The following TLE3 variants were observed in gnomAD, a reference collection of about 807,000 sequenced individuals.
TLE3 encodes the protein transducin-like enhancer protein 3.
TLE3 carries 14 observed loss-of-function variants against 93.0 expected under a neutral mutation model. That is an observed-to-expected ratio of 0.15 (90% CI 0.10 to 0.24). The LOEUF (loss-of-function observed/expected upper bound fraction) is 0.24. Among genes scored for constraint, TLE3 ranks in the 10% least tolerant of loss-of-function variants. The pLI is 1.00. For synonymous variants in TLE3, 451 were observed against 425.0 expected (o/e 1.06, Z -0.75); for missense variants, 693 against 1,046.6 (o/e 0.66, Z 4.66).
intron 4 of TLE3, among the ~76,000 whole-genome samples, chr15:70,077,941 G>A (rs141250462): frequency 1.8e-4 from 27 of 152,308 alleles, no homozygotes; most frequent in African/African-American, 6.3e-4. Context: ...CACATGTGTG[G>A]GGCACTCTAG....
chr15:70,081,601 G>A (rs569108282), intron 4 of TLE3, among the ~76,000 whole-genome samples: 16 of 152,366 alleles, frequency 1.1e-4, no homozygotes, highest in African/African-American at 3.8e-4. Context: ...CCAGGCCAGG[G>A]TTCTCCAAGT....
chr15:70,074,746 T>C (rs933165148), intron 5 of TLE3, 139 bp from the exon 6 acceptor site: 12 of 565,878 alleles, frequency 2.1e-5, no homozygotes, highest in African/African-American at 1.9e-4. Context: ...AGGGCACAAG[T>C]AGGGGGGAGG....
intron 6 of TLE3, among the ~76,000 whole-genome samples, chr15:70,073,324 T>A (rs2057279913): frequency 6.6e-6 from 1 of 152,124 alleles, no homozygotes; most frequent in African/African-American, 2.4e-5. Flanking sequence ...GAACCATGAC[T>A]AAAACACAGA....
intron 4 of TLE3, among the ~76,000 whole-genome samples, chr15:70,089,840 A>G (rs1406858758): frequency 6.6e-6 from 1 of 152,222 alleles, no homozygotes; most frequent in Admixed American, 6.5e-5. Context: ...CTCCTTCAAC[A>G]AAATGGAAAC....
chr15:70,086,132 G>A (rs1039469628), intron 4 of TLE3, among the ~76,000 whole-genome samples: 1 of 152,154 alleles, frequency 6.6e-6, no homozygotes, highest in South Asian at 2.1e-4. Flanking sequence ...TGCTGCTTCT[G>A]AGCCCTCTGA....
intron 4 of TLE3, among the ~76,000 whole-genome samples, chr15:70,091,589 A>C (rs1442749613): frequency 2.6e-5 from 4 of 152,048 alleles, no homozygotes; most frequent in Non-Finnish European, 5.9e-5. Flanking sequence ...GCTTTACCAT[A>C]ATTAGGGAGG....
intron 4 of TLE3, among the ~76,000 whole-genome samples, chr15:70,093,919 T>C (rs2058426861): frequency 6.6e-6 from 1 of 152,162 alleles, no homozygotes; most frequent in East Asian, 1.9e-4. Flanking sequence ...AGCTTCAGCT[T>C]CCTTCTCTGT....
At chr15:70,056,619 G>GCT (rs1438677331) in intron 13 of TLE3, among the ~76,000 whole-genome samples, 3 of 152,202 alleles carry the variant, frequency 2.0e-5, no homozygotes, top group Non-Finnish European at 4.4e-5. Flanking sequence ...CTGCAAGGCA[G>GCT]AGCTGGCCCT....
In TLE3 at chr15:70,058,690, A is replaced by G; in HGVS notation, c.891T>C (p.Pro297=). ...PASVASSSST[P]SSKTKDLGHN... ...GACCAAGGTCTTTGGTCTTGGAGGA[A>G]GGTGTGCTACTGGAAGAGGCCACCG... The change falls in exon 11 of 20, where the codon CCT becomes CCC. Residue 297 remains proline, a synonymous_variant. Coordinates refer to ENST00000451782, the MANE Select transcript of TLE3 (RefSeq NM_001105192.3). The surrounding 1 kb of genome is among the most constrained non-coding windows in gnomAD (Gnocchi z 4.1). 1 of 1,606,660 alleles carries G rather than the reference A, an allele frequency of 6.2e-7. No homozygotes were observed. Among genetic ancestry groups the G allele is most frequent in the Non-Finnish European group, 8.5e-7 (1 of 1,176,568 alleles).
intron 16 of TLE3, chr15:70,053,859 GGGGCTGA>G (rs1475815789): frequency 4.4e-5 from 7 of 159,266 alleles, no homozygotes; most frequent in African/African-American, 1.7e-4. Context: ...CATGAACTAT[GGGGCTGA>G]GGCCATCCAT....
chr15:70,095,396 C>G (rs772185570), intron 3 of TLE3, 182 bp downstream of exon 3: 1 of 1,471,180 alleles, frequency 6.8e-7, no homozygotes, highest in East Asian at 2.5e-5. Flanking sequence ...TCACCCTCCT[C>G]CAAGTGGCCC....
intron 4 of TLE3, among the ~76,000 whole-genome samples, chr15:70,077,912 C>T (rs1035280805): frequency 2.0e-5 from 3 of 152,226 alleles, no homozygotes; most frequent in Admixed American, 2.0e-4. Context: ...AGCTCAGACC[C>T]ACTGGGACTC....
chr15:70,069,172 CA>C (rs1160201351), intron 6 of TLE3, among the ~76,000 whole-genome samples: 1 of 152,198 alleles, frequency 6.6e-6, no homozygotes, highest in Non-Finnish European at 1.5e-5. Context: ...TTGCTCAGTA[CA>C]TGTCTTGTGG....
chr15:70,068,089 T>G (rs2056928046), intron 6 of TLE3, among the ~76,000 whole-genome samples: 1 of 152,196 alleles, frequency 6.6e-6, no homozygotes, highest in African/African-American at 2.4e-5. Flanking sequence ...CACTTTTTCT[T>G]TTTTAAGAAA....
Position 70,060,534 on chromosome 15 carries a change from C to T in TLE3, c.710G>A (p.Arg237Gln), listed in dbSNP as rs200587187. Residue 237 changes from arginine (R) to glutamine (Q), a missense_variant, in exon 9 of 20, where the codon CGA (arginine) becomes CAA (glutamine). Arg to Gln is a conservative substitution (Grantham distance 43). Around this residue, in one of 4 missense-constraint regions of TLE3, gnomAD observed 405 missense variants for 468.9 expected, o/e 0.86. Coordinates refer to ENST00000451782, the MANE Select transcript of TLE3 (RefSeq NM_001105192.3). ...GCCATGGCGCCTTGGACGTACGTAT[C>T]GGCTCAAGCTGTCCTTCTCCTCCGC... is the stretch of plus-strand genomic sequence containing the variant. ...RKAEEKDSLS[R>Q]YDSDGDKSDD... 4.3e-6 allele frequency: 7 copies of T among 1,613,828 alleles called. No homozygotes were observed. In the Admixed American group the frequency reaches 5.0e-5, roughly 12 times the overall value.
At chr15:70,060,309 C>T (rs1315796599) in intron 9 of TLE3, among the ~76,000 whole-genome samples, 1 of 152,190 alleles carries the variant, frequency 6.6e-6, no homozygotes, top group Non-Finnish European at 1.5e-5. Context: ...ACCTCCCCAT[C>T]CACCTCCGCC....
intron 2 of TLE3, 170 bp downstream of exon 2, chr15:70,095,991 A>C: frequency 1.2e-6 from 1 of 808,394 alleles, no homozygotes; most frequent in Non-Finnish European, 1.9e-6. Flanking sequence ...TGCTGCGGGC[A>C]GTAAAGGGTT....
chr15:70,072,933 C>T (rs960127333), intron 6 of TLE3, among the ~76,000 whole-genome samples: 1 of 152,218 alleles, frequency 6.6e-6, no homozygotes, highest in African/African-American at 2.4e-5. Flanking sequence ...GTGCTGCCTT[C>T]CAGCACTGAA....
At chr15:70,081,133 C>G (rs1018517665) in intron 4 of TLE3, among the ~76,000 whole-genome samples, 1 of 152,190 alleles carries the variant, frequency 6.6e-6, no homozygotes, top group African/African-American at 2.4e-5. Flanking sequence ...AATTCTGCCT[C>G]CATTTAGTTG....
Sources: gnomAD v4.1 joint callset for allele counts (sites outside exome capture counted in the v4.1 genomes callset) on GRCh38, gnomAD v4.1.1 for gene constraint, gnomAD v4.1.1 regional missense constraint, Gnocchi (gnomAD v3.1) non-coding constraint, MANE v1.5 for transcripts, NCBI Gene and HGNC (gene_info 2026-07-23, HGNC 2026-07-21) for gene names.